The following WNT16 variants were observed in gnomAD, a reference collection of about 807,000 sequenced individuals.
The protein encoded by WNT16 is protein Wnt-16.
Under a neutral mutation model 35.4 loss-of-function variants are expected in WNT16, and 20 were observed. The ratio of observed to expected loss-of-function variants is 0.56; its 90% CI spans 0.40 to 0.82. The LOEUF (loss-of-function observed/expected upper bound fraction) is 0.82. Among genes scored for constraint, WNT16 ranks in the 40% least tolerant of loss-of-function variants. The pLI, the probability that WNT16 is intolerant of heterozygous loss-of-function variation, is 0.00. For missense variants in WNT16, 461 were observed against 466.0 expected, an observed-to-expected ratio of 0.99 and a Z score of 0.10; for synonymous variants, 180 against 179.2, an observed-to-expected ratio of 1.00 and a Z score of -0.03.
intron 3 of WNT16, among the ~76,000 whole-genome samples, chr7:121,335,593 T>C (rs1418752870): frequency 1.3e-5 from 2 of 152,124 alleles, no homozygotes; most frequent in Non-Finnish European, 2.9e-5. Flanking sequence ...CTTATGTTCC[T>C]GTTAACAGAA....
chr7:121,336,343 A>G (rs931408715), intron 3 of WNT16, among the ~76,000 whole-genome samples: 1 of 152,152 alleles, frequency 6.6e-6, no homozygotes, highest in South Asian at 2.1e-4. Flanking sequence ...TTCTTTTATT[A>G]TGTTTATTGT....
upstream of WNT16, chr7:121,325,370 CT>C (rs769801209): frequency 1.3e-6 from 2 of 1,593,832 alleles, no homozygotes; most frequent in Non-Finnish European, 8.6e-7. Flanking sequence ...CCCTCTCAGC[CT>C]GCAAAAACCA....
chr7:121,332,298 G>A (rs1383916605), intron 3 of WNT16, among the ~76,000 whole-genome samples: 1 of 151,952 alleles, frequency 6.6e-6, no homozygotes, highest in Non-Finnish European at 1.5e-5. Context: ...ATACAAATAT[G>A]TATATACCCT....
intron 3 of WNT16, among the ~76,000 whole-genome samples, chr7:121,332,572 T>G (rs769810111): frequency 2.0e-5 from 3 of 152,186 alleles, no homozygotes; most frequent in Non-Finnish European, 2.9e-5. Context: ...TTAAATCGAC[T>G]TTTTAGTGGG....
At chr7:121,329,520 C>G in intron 1 of WNT16, 47 bp from the exon 2 acceptor site, 1 of 1,604,906 alleles carries the variant, frequency 6.2e-7, no homozygotes. Context: ...CGGAAAACAT[C>G]TGGAATTGGG....
intron 3 of WNT16, among the ~76,000 whole-genome samples, chr7:121,337,385 T>C (rs1793460630): frequency 6.6e-6 from 1 of 152,256 alleles, no homozygotes; most frequent in Non-Finnish European, 1.5e-5. Context: ...AACATAACAT[T>C]CTGCAAACGT....
At position 121,339,227 on chromosome 7, in the gene WNT16, G is replaced by A. The variant is rs775576446; in HGVS notation, c.980G>A (p.Arg327Gln). Residue 327 changes from arginine (R) to glutamine (Q), a missense_variant, in exon 4 of 4, where the codon CGA (arginine) becomes CAA (glutamine). Physicochemically the swap from Arg to Gln is conservative, Grantham distance 43. Coordinates refer to ENST00000222462, the MANE Select transcript of WNT16 (RefSeq NM_057168.2). ...ADGCNLLCCGRGYNTHVVRHV... is the reference protein window; with the variant it reads ...ADGCNLLCCGQGYNTHVVRHV... ...GGCTGCAACCTCCTCTGCTGTGGCC[G>A]AGGTTACAACACCCATGTGGTCAGG... The A allele has an allele frequency of 4.0e-5, 65 of 1,614,076 alleles. No individual in the cohort carries two copies. Among genetic ancestry groups the A allele is most frequent in the Middle Eastern group, 1.6e-4 (1 of 6,084 alleles).
chr7:121,338,001 T>C (rs1372455968), intron 3 of WNT16, among the ~76,000 whole-genome samples: 1 of 152,170 alleles, frequency 6.6e-6, no homozygotes, highest in African/African-American at 2.4e-5. Flanking sequence ...GAGAATTTGC[T>C]GGGGGGAGCC....
Position 121,329,388 on chromosome 7 carries a change from G to A in WNT16, c.95+1G>A, listed in dbSNP as rs1261898758. 8.7e-6 allele frequency: 14 copies of A among 1,611,714 alleles called. No homozygotes were observed. The highest frequency in any genetic ancestry group is 2.2e-5 in the East Asian group (1 of 44,862). ...CCTACGGAGCCCAAGGAAACTGGAT[G>A]TGAGTATGGAGGTGGCAGGGAAGCA... On this transcript the variant is annotated splice_donor_variant, in intron 1 of 3. Transcript: ENST00000222462. LOFTEE classifies it high-confidence loss of function.
At chr7:121,332,724 G>T (rs922009906) in intron 3 of WNT16, among the ~76,000 whole-genome samples, 1 of 152,020 alleles carries the variant, frequency 6.6e-6, no homozygotes, top group East Asian at 1.9e-4. Flanking sequence ...AGCAATGTAG[G>T]TTAATTTTTA....
chr7:121,328,995 A>G, upstream of WNT16: 1 of 1,137,952 alleles, frequency 8.8e-7, no homozygotes, highest in Non-Finnish European at 1.1e-6. Context: ...AGACGCGGAT[A>G]CATCAACAGA....
upstream of WNT16, chr7:121,328,953 G>C: frequency 1.1e-6 from 1 of 928,784 alleles, no homozygotes; most frequent in South Asian, 5.1e-5. Flanking sequence ...CGGCCAGGGG[G>C]AGGAGATGGG....
rs1418607218 is a variant in WNT16, at chr7:121,329,208, G to A, written c.-85G>A. ...AGAGGGCGAGGGATAACTTGGTGCT[G>A]GACAACTGACCTGCGGCCCGAAGGG... On this transcript the variant is annotated 5_prime_UTR_variant, in exon 1 of 4. It introduces an in-frame stop codon into an upstream open reading frame of the 5' UTR. Coordinates refer to ENST00000222462, the MANE Select transcript of WNT16 (RefSeq NM_057168.2). 34 of 1,453,106 alleles carry A rather than the reference G, an allele frequency of 2.3e-5. No individual in the cohort carries two copies. Among genetic ancestry groups the A allele is most frequent in the Non-Finnish European group, 3.0e-5 (33 of 1,105,460 alleles). The allele number at this position is 1,453,106 out of a possible 1,614,324, so 90.0% of individuals were successfully genotyped here.
At chr7:121,335,984 CTTTG>C (rs1793439122) in intron 3 of WNT16, among the ~76,000 whole-genome samples, 1 of 117,970 alleles carries the variant, frequency 8.5e-6, no homozygotes, top group Non-Finnish European at 1.8e-5. Context: ...TAGAATTAAA[CTTTG>C]TGTGTGTGTG....
At chr7:121,336,403 A>G (rs1402513768) in intron 3 of WNT16, among the ~76,000 whole-genome samples, 1 of 152,136 alleles carries the variant, frequency 6.6e-6, no homozygotes, top group Non-Finnish European at 1.5e-5. Flanking sequence ...GAAAAATTAT[A>G]AATTCCATGT....
chr7:121,332,097 T>A, intron 3 of WNT16, 133 bp downstream of exon 3: 1 of 1,055,986 alleles, frequency 9.5e-7, no homozygotes, highest in Non-Finnish European at 1.3e-6. Context: ...TCCTGAAAAT[T>A]AATATTGTTT....
At chr7:121,325,482 TG>T, upstream of WNT16, 1 of 1,612,198 alleles carries the variant, frequency 6.2e-7, no homozygotes, top group Middle Eastern at 1.7e-4. Flanking sequence ...CTCCCTATGG[TG>T]GGTTTTGTTT....
upstream of WNT16, among the ~76,000 whole-genome samples, chr7:121,327,552 GT>G (rs1402269600): frequency 2.0e-5 from 3 of 151,996 alleles, no homozygotes; most frequent in African/African-American, 7.3e-5. Flanking sequence ...GTTTCACCAT[GT>G]TGGCCATGCT....
Position 121,337,506 on chromosome 7 carries a change from G to A in WNT16, c.634-1375G>A, listed in dbSNP as rs144037736. On this transcript the variant is annotated intron_variant, in intron 3 of 3. Transcript: ENST00000222462. ...CTGTGAGGTTTTTCCTTTCTTTGGT[G>A]AGATTACACACATAATTTCCAAGTT... is the stretch of plus-strand genomic sequence containing the variant. 6.6e-3 allele frequency among the ~76,000 whole-genome samples: 999 copies of A among 152,300 alleles called. 9 individuals carry two copies. Among genetic ancestry groups the A allele is most frequent in the African/African-American group, 0.022 (935 of 41,558 alleles).
Sources: allele counts gnomAD v4.1 joint callset (sites outside exome capture counted in the v4.1 genomes callset), GRCh38; gene constraint gnomAD v4.1.1; transcripts MANE v1.5; gene names NCBI Gene and HGNC (gene_info 2026-07-23, HGNC 2026-07-21).